Variants in RASA3 observed in about 807,000 individuals in gnomAD.
The protein encoded by RASA3 is RAS p21 protein activator 3, also known as ras GTPase-activating protein 3.
In RASA3, 73 loss-of-function variants were observed where a neutral mutation model predicts 110.0. The ratio of observed to expected loss-of-function variants is 0.66; its 90% CI spans 0.55 to 0.81. The LOEUF (loss-of-function observed/expected upper bound fraction) is 0.81. Ranked by LOEUF, RASA3 falls within the 30% of genes least tolerant of loss-of-function variation. RASA3 has a pLI of 0.00. For missense variants in RASA3, 976 were observed against 1,113.2 expected, an observed-to-expected ratio of 0.88 and a Z score of 1.75; for synonymous variants, 500 against 451.4, an observed-to-expected ratio of 1.11 and a Z score of -1.37.
intron 4 of RASA3, among the ~76,000 whole-genome samples, chr13:114,032,923 C>T (rs2054200361): frequency 8.6e-6 from 1 of 116,870 alleles, no homozygotes; most frequent in African/African-American, 3.3e-5. Flanking sequence ...CCACAGCACC[C>T]CCACACTTGA....
intron 2 of RASA3, among the ~76,000 whole-genome samples, chr13:114,054,222 A>C (rs1266418234): frequency 2.0e-5 from 3 of 152,242 alleles, no homozygotes; most frequent in African/African-American, 7.2e-5. Flanking sequence ...TATATACAGA[A>C]TATATAAAGA....
intron 1 of RASA3, among the ~76,000 whole-genome samples, chr13:114,092,334 T>TAA (rs2079898356): frequency 6.6e-6 from 1 of 152,206 alleles, no homozygotes; most frequent in Non-Finnish European, 1.5e-5. Flanking sequence ...CTGCTTTTGC[T>TAA]GTATCCCATA....
Position 114,096,340 on chromosome 13 carries a change from C to T in RASA3, c.56-22503G>A, listed in dbSNP as rs1245659813. 6.6e-6 allele frequency among the ~76,000 whole-genome samples: 1 copy of T among 152,210 alleles called. No individual in the cohort carries two copies. Among genetic ancestry groups the T allele is most frequent in the Non-Finnish European group, 1.5e-5 (1 of 68,028 alleles). ...CTCCTCTAGCAAATCGCCTCTCTCA[C>T]AGTCACCTCAACAGCATCTCAGCCG... On this transcript the variant is annotated intron_variant, in intron 1 of 23. Transcript: ENST00000334062. This position sits in a 1 kb window ranked among gnomAD's most constrained non-coding sequence, Gnocchi z 5.1.
chr13:113,982,278 GTC>G (rs2052954396), intron 22 of RASA3, among the ~76,000 whole-genome samples: 2 of 152,216 alleles, frequency 1.3e-5, no homozygotes, highest in South Asian at 4.1e-4. Context: ...GCCCTGAAGA[GTC>G]AGCTGAGGGA....
At chr13:114,024,148 G>A (rs1452555262) in intron 8 of RASA3, 131 bp downstream of exon 8, 3 of 967,868 alleles carry the variant, frequency 3.1e-6, no homozygotes, top group Admixed American at 1.9e-5. Flanking sequence ...CTAACATCCT[G>A]TTGTGAAAAT....
At chr13:114,026,620 G>A (rs527539305) in intron 7 of RASA3, among the ~76,000 whole-genome samples, 11 of 152,118 alleles carry the variant, frequency 7.2e-5, no homozygotes, top group South Asian at 2.1e-4. Flanking sequence ...TGCATGCATC[G>A]AGCCCCACTC....
Position 114,011,448 on chromosome 13 carries a change from C to T in RASA3, c.1513-200G>A, listed in dbSNP as rs1377179818. Among the ~76,000 whole-genome samples the T allele has an allele frequency of 2.0e-5, 3 of 152,106 alleles. No homozygotes were observed. Among genetic ancestry groups the T allele is most frequent in the Admixed American group, 6.5e-5 (1 of 15,276 alleles). On this transcript the variant is annotated intron_variant, in intron 15 of 23. Coordinates refer to ENST00000334062, the MANE Select transcript of RASA3 (RefSeq NM_007368.4). This position sits in a 1 kb window ranked among gnomAD's most constrained non-coding sequence, Gnocchi z 4.8. ...GTCTCAGGAGCTGCTGAGACCATCC[C>T]GCAGGCAACATCCGACGGCACCGCG...
intron 1 of RASA3, among the ~76,000 whole-genome samples, chr13:114,088,554 ATTTT>A (rs774913747): frequency 5.0e-5 from 1 of 20,196 alleles, no homozygotes; most frequent in African/African-American, 8.3e-5. Context: ...TCCCAAATTA[ATTTT>A]TTTTTTTTTT....
At chr13:114,020,774 ACT>A (rs2053909650) in intron 9 of RASA3, among the ~76,000 whole-genome samples, 4 of 152,204 alleles carry the variant, frequency 2.6e-5, no homozygotes, top group Non-Finnish European at 5.9e-5. Context: ...AGAGCCGACC[ACT>A]GAGGTCTAGA....
chr13:114,108,214 C>T (rs927750147), intron 1 of RASA3, among the ~76,000 whole-genome samples: 5 of 147,446 alleles, frequency 3.4e-5, no homozygotes, highest in African/African-American at 1.0e-4. Context: ...CCCATCACCC[C>T]GTGTCTGTCA....
At chr13:114,022,351 C>A (rs930709556) in intron 8 of RASA3, among the ~76,000 whole-genome samples, 2 of 152,184 alleles carry the variant, frequency 1.3e-5, no homozygotes, top group Non-Finnish European at 2.9e-5. Context: ...GCTGGTAACC[C>A]AGTCCCTCAT....
chr13:114,041,735 T>C (rs1420506012), intron 3 of RASA3, among the ~76,000 whole-genome samples: 1 of 152,260 alleles, frequency 6.6e-6, no homozygotes, highest in African/African-American at 2.4e-5. Context: ...GCTCAGGTTA[T>C]TCACAGGCAG....
chr13:113,999,086 C>T (rs77432162), intron 20 of RASA3, among the ~76,000 whole-genome samples: 4 of 27,914 alleles, frequency 1.4e-4, no homozygotes, highest in Non-Finnish European at 2.4e-4. Flanking sequence ...CAAGCGTGAC[C>T]GGGGAACGAG....
chr13:114,018,383 T>C lies in RASA3; in HGVS notation c.943-131A>G, dbSNP rs562572799. ...CTTTGCTGAGACAGAAACACACACA[T>C]TCACAAAAACACCAAACTTCCCATT... On this transcript the variant is annotated intron_variant, in intron 10 of 23. Coordinates refer to ENST00000334062, the MANE Select transcript of RASA3 (RefSeq NM_007368.4). 465 of 1,253,140 alleles carry C rather than the reference T, an allele frequency of 3.7e-4. 8 individuals are homozygous for C. The South Asian group carries it at 7.1e-3, about 19-fold the overall frequency. 77.6% of individuals were successfully genotyped at this position (1,253,140 alleles called of 1,614,324 possible). A position where few individuals can be genotyped will look rare whatever the true frequency, so the allele number is the denominator to read the frequency against.
intron 4 of RASA3, among the ~76,000 whole-genome samples, chr13:114,034,536 C>T (rs2139422578): frequency 6.6e-6 from 1 of 152,340 alleles, no homozygotes; most frequent in Non-Finnish European, 1.5e-5. Flanking sequence ...GCTCCTGTTC[C>T]TGCAGCATGA....
intron 1 of RASA3, among the ~76,000 whole-genome samples, chr13:114,117,684 G>C (rs2080307752): frequency 7.3e-6 from 1 of 137,668 alleles, no homozygotes; most frequent in Admixed American, 7.2e-5. Context: ...CGTGTGTGAG[G>C]GGTGCATGTG....
intron 2 of RASA3, among the ~76,000 whole-genome samples, chr13:114,071,372 C>T (rs539290196): frequency 6.6e-6 from 1 of 152,310 alleles, no homozygotes; most frequent in African/African-American, 2.4e-5. Flanking sequence ...GAGAGGTTCC[C>T]AAACAGATTC....
chr13:114,068,304 T>C (rs1037979793), intron 2 of RASA3, among the ~76,000 whole-genome samples: 4 of 152,244 alleles, frequency 2.6e-5, no homozygotes, highest in African/African-American at 9.6e-5. Flanking sequence ...CCCAGAACCC[T>C]GAGGCAGAGC....
Position 113,981,714 on chromosome 13 carries a change from T to C in RASA3, c.2390A>G (p.Tyr797Cys), listed in dbSNP as rs747425816. ...CGTCTTCTTGAACTTGTCCCTCTTA[T>C]ACTGGGCGTGCTCCTGCTCCAAAGC... ...VGALEQEHAQ[Y>C]KRDKFKKTKY... The change falls in exon 23 of 24, where the codon TAT (tyrosine) becomes TGT (cysteine). Residue 797 changes from tyrosine to cysteine, a missense_variant. Around this residue, in one of 4 missense-constraint regions of RASA3, gnomAD observed 132 missense variants for 152.8 expected, o/e 0.86. Transcript: ENST00000334062. 1.2e-6 allele frequency: 2 copies of C among 1,614,066 alleles called. No homozygotes were observed. The highest frequency in any genetic ancestry group is 1.1e-5 in the South Asian group (1 of 91,084).
Sources: gnomAD v4.1 joint callset for allele counts (sites outside exome capture counted in the v4.1 genomes callset) on GRCh38, gnomAD v4.1.1 for gene constraint, gnomAD v4.1.1 regional missense constraint, Gnocchi (gnomAD v3.1) non-coding constraint, MANE v1.5 for transcripts, NCBI Gene and HGNC (gene_info 2026-07-23, HGNC 2026-07-21) for gene names.